Variants in CROT observed in about 807,000 individuals in gnomAD.
CROT encodes peroxisomal carnitine O-octanoyltransferase.
CROT carries 84 observed loss-of-function variants against 89.2 expected under a neutral mutation model. The ratio of observed to expected loss-of-function variants is 0.94; its 90% CI spans 0.79 to 1.13. CROT has a LOEUF of 1.13. Ranked by LOEUF, CROT falls within the 50% of genes most tolerant of loss-of-function variation. The pLI is 0.00. For missense variants in CROT, 711 were observed against 727.8 expected (o/e 0.98, Z 0.27); for synonymous variants, 212 against 239.5 (o/e 0.89, Z 1.06).
At chr7:87,395,978 T>C (rs1807513044) in intron 17 of CROT, among the ~76,000 whole-genome samples, 1 of 152,088 alleles carries the variant, frequency 6.6e-6, no homozygotes, top group South Asian at 2.1e-4. Context: ...TAAGAAGAAG[T>C]CATGAAAGCA....
intron 7 of CROT, among the ~76,000 whole-genome samples, chr7:87,373,167 CGTT>C (rs1584635273): frequency 6.6e-6 from 1 of 151,886 alleles, no homozygotes; most frequent in African/African-American, 2.4e-5. Flanking sequence ...AGTGGGATCT[CGTT>C]GTAGTTTATA....
At chr7:87,349,339 A>C (rs1246397891) in intron 3 of CROT, among the ~76,000 whole-genome samples, 156 bp downstream of exon 3, 1 of 152,176 alleles carries the variant, frequency 6.6e-6, no homozygotes, top group Non-Finnish European at 1.5e-5. Flanking sequence ...TGCAGAGTGC[A>C]GTGAGAAGAG....
chr7:87,384,893 G>T (rs915914610), intron 13 of CROT, among the ~76,000 whole-genome samples: 1 of 152,118 alleles, frequency 6.6e-6, no homozygotes, highest in Non-Finnish European at 1.5e-5. Context: ...TTTTGTACAC[G>T]GTAAGAGATA....
chr7:87,387,026 G>A (rs1211924334), intron 13 of CROT, among the ~76,000 whole-genome samples: 1 of 151,958 alleles, frequency 6.6e-6, no homozygotes, highest in South Asian at 2.1e-4. Flanking sequence ...TCCACATGCG[G>A]CCTGGCAGCT....
chr7:87,376,765 A>G (rs944991465), intron 9 of CROT, among the ~76,000 whole-genome samples: 1 of 152,046 alleles, frequency 6.6e-6, no homozygotes, highest in Non-Finnish European at 1.5e-5. Flanking sequence ...CTATATATAC[A>G]TGTGTATATG....
At chr7:87,382,614 A>G in intron 13 of CROT, 71 bp downstream of exon 13, 1 of 1,465,484 alleles carries the variant, frequency 6.8e-7, no homozygotes, top group Non-Finnish European at 9.2e-7. Flanking sequence ...TAGCTATTTC[A>G]TCCTAACTCC....
At chr7:87,395,720 T>C (rs372223747) in intron 17 of CROT, among the ~76,000 whole-genome samples, 16 of 152,314 alleles carry the variant, frequency 1.1e-4, no homozygotes, top group East Asian at 7.7e-4. Flanking sequence ...AAAGTTGTTT[T>C]GATTTTGGAC....
intron 10 of CROT, 34 bp from the exon 11 acceptor site, chr7:87,381,876 A>G: frequency 7.0e-7 from 1 of 1,432,000 alleles, no homozygotes; most frequent in Non-Finnish European, 9.7e-7. Flanking sequence ...AGTTGACATA[A>G]AGTATTCAGA....
chr7:87,356,252 T>C (rs802023), intron 3 of CROT, among the ~76,000 whole-genome samples: 120,159 of 152,178 alleles, frequency 0.79, 47,884 homozygotes, highest in African/African-American at 0.89. Flanking sequence ...TGGAAATGAC[T>C]CAGATATCCA....
chr7:87,358,375 G>A (rs1160141245), intron 3 of CROT, among the ~76,000 whole-genome samples: 1 of 150,542 alleles, frequency 6.6e-6, no homozygotes, highest in Non-Finnish European at 1.5e-5. Flanking sequence ...CCAGCTACTC[G>A]GGAGGCTGAG....
intron 3 of CROT, among the ~76,000 whole-genome samples, chr7:87,352,978 G>T (rs998580766): frequency 2.0e-5 from 3 of 152,158 alleles, no homozygotes; most frequent in Non-Finnish European, 4.4e-5. Context: ...GCTTTGATTA[G>T]CTTCAGCTTG....
At position 87,398,536 on chromosome 7, in the gene CROT, C is replaced by T; in HGVS notation, c.1731C>T (p.Ala577=). ...YHIRDDRFVV[A]CSAWKSCPET... Reference sequence around the variant, plus strand: ...TTATGCTTCACAGGTTTGTTGTGGCCTGTTCAGCCTGGAAATCCTGTCCCG... The same window carrying T: ...TTATGCTTCACAGGTTTGTTGTGGCTTGTTCAGCCTGGAAATCCTGTCCCG... Residue 577 remains alanine, a synonymous_variant, in exon 18 of 18, where the codon GCC becomes GCT. Transcript: ENST00000331536. The T allele has an allele frequency of 6.2e-7, 1 of 1,613,666 alleles. No individual in the cohort carries two copies. The highest frequency in any genetic ancestry group is 8.5e-7 in the Non-Finnish European group (1 of 1,179,864).
In CROT at chr7:87,392,016, G is replaced by C. The variant is rs31643; in HGVS notation, c.1425+304G>C. Among the ~76,000 whole-genome samples the C allele has an allele frequency of 8.6e-3, 1,313 of 152,196 alleles. 32 individuals carry two copies. The highest frequency in any genetic ancestry group is 0.03 in the African/African-American group (1,240 of 41,536). On this transcript the variant is annotated intron_variant, in intron 14 of 17. Transcript: ENST00000331536. ...CACCAACAAAGTGCAGAAATCCCAA[G>C]GTGCCTTTAAAAGGAAGGTTTTCTT...
chr7:87,369,853 A>G (rs1049312761), intron 7 of CROT, among the ~76,000 whole-genome samples: 1 of 139,666 alleles, frequency 7.2e-6, no homozygotes, highest in African/African-American at 2.8e-5. Flanking sequence ...ATATATGTAT[A>G]TACATATATA....
chr7:87,355,816 G>GAGTATATTGCAA lies in CROT; in HGVS notation c.116-3378_116-3367dup, dbSNP rs540475190. On this transcript the variant is annotated intron_variant, in intron 3 of 17. Transcript: ENST00000331536. The stretch of plus-strand genomic sequence containing the variant: ...TGTGTCTCCTGGGGCCTAGAAGGCT[G>GAGTATATTGCAA]AGTATATTGCAAAGTATATTGCAGA... Among the ~76,000 whole-genome samples the GAGTATATTGCAA allele has an allele frequency of 4.5e-3, 681 of 152,214 alleles. 7 individuals are homozygous for GAGTATATTGCAA. The highest frequency in any genetic ancestry group is 7.3e-3 in the Non-Finnish European group (496 of 68,014).
At chr7:87,395,270 G>GTT (rs35015515) in intron 17 of CROT, among the ~76,000 whole-genome samples, 2,576 of 151,970 alleles carry the variant, frequency 0.017, 33 homozygotes, top group East Asian at 0.035. Context: ...GTCTTTTCAG[G>GTT]TTTTTCTGCC....
chr7:87,393,913 C>T (rs1807445111), intron 17 of CROT, among the ~76,000 whole-genome samples: 1 of 152,066 alleles, frequency 6.6e-6, no homozygotes, highest in Non-Finnish European at 1.5e-5. Context: ...TTTGAAAAAA[C>T]TCAAAACTGT....
intron 17 of CROT, among the ~76,000 whole-genome samples, chr7:87,394,987 G>GAA (rs148318104): frequency 2.0e-5 from 3 of 148,586 alleles, no homozygotes; most frequent in Admixed American, 2.0e-4. Flanking sequence ...GCCCTATTCT[G>GAA]AAAAAAAAAA....
rs10259810 is a variant in CROT, at chr7:87,365,710, C to A, written c.548-3666C>A. Among the ~76,000 whole-genome samples, 268 of 150,000 alleles carry A rather than the reference C, an allele frequency of 1.8e-3. 2 individuals carry two copies. The highest frequency in any genetic ancestry group is 6.3e-3 in the African/African-American group (257 of 40,782). ...GCAACCTCGACCTCCTGGGCTCTAA[C>A]AGTCCTCCCACTTCAGCCTCCTGAG... On this transcript the variant is annotated intron_variant, in intron 6 of 17. Transcript: ENST00000331536.
Sources: gnomAD v4.1 joint callset for allele counts (sites outside exome capture counted in the v4.1 genomes callset) on GRCh38, gnomAD v4.1.1 for gene constraint, MANE v1.5 for transcripts, NCBI Gene and HGNC (gene_info 2026-07-23, HGNC 2026-07-21) for gene names.